DCC: variants seen among roughly 807,000 people sequenced by gnomAD.
DCC encodes DCC netrin 1 receptor, also known as netrin receptor DCC.
In DCC, 58 loss-of-function variants were observed where a neutral mutation model predicts 172.5. That is an observed-to-expected ratio of 0.34 (90% CI 0.27 to 0.42). The LOEUF (loss-of-function observed/expected upper bound fraction) is 0.42, where lower values mean the gene tolerates loss of function less well. DCC is among the 10% of genes least tolerant of loss of function. The pLI is 1.00. For synonymous variants in DCC, 709 were observed against 644.5 expected, an observed-to-expected ratio of 1.10 and a Z score of -1.52; for missense variants, 1,740 against 1,791.0, an observed-to-expected ratio of 0.97 and a Z score of 0.51.
chr18:53,054,147 T>G (rs1454343984), intron 5 of DCC, among the ~76,000 whole-genome samples: 2 of 152,126 alleles, frequency 1.3e-5, no homozygotes, highest in Non-Finnish European at 2.9e-5. Flanking sequence ...TACTCATACT[T>G]AATGCAGTGT....
intron 5 of DCC, among the ~76,000 whole-genome samples, chr18:53,041,557 C>A (rs2042169231): frequency 6.6e-6 from 1 of 151,932 alleles, no homozygotes; most frequent in Admixed American, 6.6e-5. Context: ...TGAAGAAAGC[C>A]AATGGTAGCT....
chr18:52,941,890 C>A (rs1568201245), intron 5 of DCC, among the ~76,000 whole-genome samples: 1 of 152,130 alleles, frequency 6.6e-6, no homozygotes, highest in African/African-American at 2.4e-5. Flanking sequence ...TCAAGCAATT[C>A]TCCTGCCTCA....
At chr18:52,567,657 T>A (rs2033190615) in intron 1 of DCC, among the ~76,000 whole-genome samples, 1 of 152,122 alleles carries the variant, frequency 6.6e-6, no homozygotes. Flanking sequence ...CAACAGAGAT[T>A]CTAAAGCAGG....
At chr18:53,207,408 A>G (rs1182647042) in intron 10 of DCC, among the ~76,000 whole-genome samples, 2 of 152,192 alleles carry the variant, frequency 1.3e-5, no homozygotes, top group Non-Finnish European at 2.9e-5. Context: ...TGTGGGTAGA[A>G]TAACCCAAAC....
At chr18:53,239,315 A>C (rs1330823269) in intron 12 of DCC, among the ~76,000 whole-genome samples, 3 of 151,962 alleles carry the variant, frequency 2.0e-5, no homozygotes, top group Non-Finnish European at 4.4e-5. Context: ...AAGAATAGAA[A>C]AGATGAAATA....
At chr18:52,820,346 A>C (rs1359605972) in intron 2 of DCC, among the ~76,000 whole-genome samples, 1 of 152,210 alleles carries the variant, frequency 6.6e-6, no homozygotes, top group African/African-American at 2.4e-5. Context: ...ATGTACATGC[A>C]TGCATTTATA....
At chr18:53,315,724 T>C (rs1341309598) in intron 13 of DCC, among the ~76,000 whole-genome samples, 1 of 152,170 alleles carries the variant, frequency 6.6e-6, no homozygotes, top group Non-Finnish European at 1.5e-5. Flanking sequence ...TGATGAGCTT[T>C]TTTTTTCATA....
At chr18:52,685,890 G>A (rs1903276) in intron 1 of DCC, among the ~76,000 whole-genome samples, 133,229 of 152,130 alleles carry the variant, frequency 0.88, 58,493 homozygotes, top group African/African-American at 0.92. Context: ...TAAAAAGTAG[G>A]AAGCACTGTA....
chr18:52,803,372 G>A (rs190096529), intron 2 of DCC, among the ~76,000 whole-genome samples: 4 of 152,222 alleles, frequency 2.6e-5, no homozygotes, highest in Non-Finnish European at 4.4e-5. Flanking sequence ...ACAATGGGAG[G>A]TGGCTATGAA....
chr18:53,215,414 AC>A (rs1807383448), intron 11 of DCC, 133 bp from the exon 12 acceptor site: 1 of 768,994 alleles, frequency 1.3e-6, no homozygotes, highest in Non-Finnish European at 2.3e-6. Context: ...TTTTTGAAGT[AC>A]TACCTGGGTT....
intron 12 of DCC, among the ~76,000 whole-genome samples, chr18:53,250,471 A>G (rs1307848239): frequency 6.6e-6 from 1 of 151,832 alleles, no homozygotes; most frequent in African/African-American, 2.4e-5. Context: ...GACTTTCTTT[A>G]CTATACCTAG....
intron 1 of DCC, among the ~76,000 whole-genome samples, chr18:52,587,233 G>A (rs2033695713): frequency 1.3e-5 from 2 of 152,182 alleles, no homozygotes; most frequent in African/African-American, 4.8e-5. Flanking sequence ...ACTCAGCAGT[G>A]GCCATAGCCA....
At chr18:52,765,640 T>C (rs1301814852) in intron 2 of DCC, among the ~76,000 whole-genome samples, 1 of 152,134 alleles carries the variant, frequency 6.6e-6, no homozygotes, top group Non-Finnish European at 1.5e-5. Flanking sequence ...ACAAGGCTCC[T>C]AGACAAACAC....
intron 22 of DCC, among the ~76,000 whole-genome samples, chr18:53,440,984 G>A (rs1243935841): frequency 5.9e-5 from 9 of 152,178 alleles, no homozygotes; most frequent in Non-Finnish European, 1.5e-5. Context: ...TTTGTTGTGG[G>A]CACATGTCCT....
intron 4 of DCC, 99 bp downstream of exon 4, chr18:52,923,956 G>A (rs897680255): frequency 1.2e-6 from 1 of 864,368 alleles, no homozygotes; most frequent in Non-Finnish European, 1.9e-6. Context: ...ACAGTACTAG[G>A]GTTTTTCATA....
intron 7 of DCC, among the ~76,000 whole-genome samples, chr18:53,154,590 C>T (rs1157253011): frequency 6.6e-6 from 1 of 152,116 alleles, no homozygotes; most frequent in Non-Finnish European, 1.5e-5. Context: ...CTGGGGGACA[C>T]TTGTGGTAAT....
chr18:53,330,210 T>C (rs976645143), intron 14 of DCC, among the ~76,000 whole-genome samples: 3 of 152,200 alleles, frequency 2.0e-5, no homozygotes, highest in Admixed American at 1.3e-4. Context: ...CACAAGTCTT[T>C]TTATACAATT....
At chr18:53,443,796 A>G (rs1333378011) in intron 22 of DCC, among the ~76,000 whole-genome samples, 1 of 152,244 alleles carries the variant, frequency 6.6e-6, no homozygotes, top group Non-Finnish European at 1.5e-5. Flanking sequence ...TAAGGAGTAG[A>G]TTCCAATCCT....
chr18:52,454,793 A>G (rs1568177718), intron 1 of DCC, among the ~76,000 whole-genome samples: 3 of 152,192 alleles, frequency 2.0e-5, no homozygotes, highest in Admixed American at 2.0e-4. Flanking sequence ...AAGGACTTTG[A>G]CACTAACTCC....
Sources: allele counts gnomAD v4.1 joint callset (sites outside exome capture counted in the v4.1 genomes callset), GRCh38; gene constraint gnomAD v4.1.1; transcripts MANE v1.5; gene names NCBI Gene and HGNC (gene_info 2026-07-23, HGNC 2026-07-21).